CD151: variants seen among roughly 807,000 people sequenced by gnomAD.
The protein encoded by CD151 is CD151 molecule (Raph blood group).
Under a neutral mutation model 34.2 loss-of-function variants are expected in CD151, and 20 were observed. The ratio of observed to expected loss-of-function variants is 0.58; its 90% CI spans 0.41 to 0.85. The LOEUF (loss-of-function observed/expected upper bound fraction) is 0.85, where lower values mean the gene tolerates loss of function less well. Among genes scored for constraint, CD151 ranks in the 40% least tolerant of loss-of-function variants. CD151 has a pLI of 0.00. For synonymous variants in CD151, 157 were observed against 131.7 expected, an observed-to-expected ratio of 1.19 and a Z score of -1.32; for missense variants, 306 against 324.5, an observed-to-expected ratio of 0.94 and a Z score of 0.44.
chr11:833,448 C>T (rs1325788553), intron 1 of CD151, among the ~76,000 whole-genome samples: 3 of 152,190 alleles, frequency 2.0e-5, no homozygotes, highest in Non-Finnish European at 2.9e-5. Flanking sequence ...TTGGCCGCGC[C>T]GGGCGGGGTC....
At chr11:833,304 G>A (rs989969441) in intron 1 of CD151, among the ~76,000 whole-genome samples, 20 of 152,162 alleles carry the variant, frequency 1.3e-4, no homozygotes, top group African/African-American at 4.8e-4. Context: ...CCGGGCCCTT[G>A]GACCGGCCTG....
rs538311524 is a variant in CD151 at position 833,439 on chromosome 11, T to G, written c.-70+413T>G. On this transcript the variant is annotated intron_variant, in intron 1 of 8. Coordinates refer to ENST00000397420, the MANE Select transcript of CD151 (RefSeq NM_004357.5). ...GCCCGCGTGCAAGTGGGCGCGCCATTGGCCGCGCCGGGCGGGGTCGGCGGC... is the reference window on the plus strand; with the variant it reads ...GCCCGCGTGCAAGTGGGCGCGCCATGGGCCGCGCCGGGCGGGGTCGGCGGC... Among the ~76,000 whole-genome samples the G allele has an allele frequency of 5.2e-3, 797 of 152,228 alleles. 7 individuals are homozygous for G. Among genetic ancestry groups the G allele is most frequent in the Non-Finnish European group, 4.6e-3 (314 of 67,988 alleles).
Position 837,320 on chromosome 11 carries a change from C to T in CD151, c.422C>T (p.Ala141Val), listed in dbSNP as rs1208553957. The T allele has an allele frequency of 6.2e-7, 1 of 1,612,844 alleles. No homozygotes were observed. Among genetic ancestry groups the T allele is most frequent in the East Asian group, 2.2e-5 (1 of 44,886 alleles). Reference protein sequence around the residue: ...TKRYHQPGHEAVTSAVDQLQQ... With the variant: ...TKRYHQPGHEVVTSAVDQLQQ... ...CGCTACCACCAGCCGGGCCATGAGG[C>T]TGTGACCAGCGCTGTGGACCAGCTG... The change falls in exon 6 of 9, where the codon GCT becomes GTT. Residue 141 changes from alanine to valine, a missense_variant. By Grantham distance (64) the Ala-to-Val change is moderately conservative. Coordinates refer to ENST00000397420, the MANE Select transcript of CD151 (RefSeq NM_004357.5).
At chr11:837,832 C>A in intron 7 of CD151, 110 bp from the exon 8 acceptor site, 1 of 912,800 alleles carries the variant, frequency 1.1e-6, no homozygotes, top group Non-Finnish European at 1.7e-6. Context: ...GGTGGCCTGG[C>A]TGCCTAGGTG....
In CD151 at chr11:836,082, A is replaced by T; in HGVS notation, c.13A>T (p.Asn5Tyr). The change falls in exon 3 of 9, where the codon AAC (asparagine) becomes TAC (tyrosine). Residue 5 changes from asparagine to tyrosine, a missense_variant. By Grantham distance (143) the Asn-to-Tyr change is moderately radical (BLOSUM62 -2). Coordinates refer to ENST00000397420, the MANE Select transcript of CD151 (RefSeq NM_004357.5). MGEFNEKKTTCGTVC... is the reference protein window; with the variant it reads MGEFYEKKTTCGTVC... ...CCTCAGCCCCAGGATGGGTGAGTTC[A>T]ACGAGAAGAAGACAACATGTGGCAC... 1 of 1,612,158 alleles carries T rather than the reference A, an allele frequency of 6.2e-7. No individual in the cohort carries two copies. The highest frequency in any genetic ancestry group is 8.5e-7 in the Non-Finnish European group (1 of 1,179,200).
rs774385687 is a variant in CD151 at position 836,207 on chromosome 11, A to G, written c.85-44A>G. The G allele has an allele frequency of 4.1e-6, 5 of 1,234,044 alleles. 1 individual carries two copies. In the South Asian group the frequency reaches 4.9e-5, roughly 12 times the overall value. The allele number at this position is 1,234,044 out of a possible 1,614,324, so 76.4% of individuals were successfully genotyped here. A position where few individuals can be genotyped will look rare whatever the true frequency, so the allele number is the denominator to read the frequency against. On this transcript the variant is annotated intron_variant, in intron 3 of 8. Coordinates refer to ENST00000397420, the MANE Select transcript of CD151 (RefSeq NM_004357.5). Reference sequence around the variant, plus strand: ...CCACCCCCACCCCTCCCGGGCCACCATCAGACCTGGGCAGATGCGATGACC... The same window carrying G: ...CCACCCCCACCCCTCCCGGGCCACCGTCAGACCTGGGCAGATGCGATGACC...
intron 4 of CD151, 101 bp downstream of exon 4, chr11:836,543 G>T (rs918074521): frequency 6.4e-6 from 6 of 942,116 alleles, no homozygotes; most frequent in Admixed American, 4.8e-5. Context: ...CTCACCTGGG[G>T]GGGGGGTCAC....
At chr11:837,420 C>G in intron 6 of CD151, 40 bp from the exon 7 acceptor site, 1 of 1,611,702 alleles carries the variant, frequency 6.2e-7, no homozygotes, top group Admixed American at 1.7e-5. Context: ...GCAGGAGCCT[C>G]TGGCCCCAGG....
In CD151 at chr11:837,995, TGG is replaced by T; in HGVS notation, c.672_673del (p.Ala225CysfsTer55). The T allele has an allele frequency of 6.2e-7, 1 of 1,613,388 alleles. No homozygotes were observed. Among genetic ancestry groups the T allele is most frequent in the Non-Finnish European group, 8.5e-7 (1 of 1,179,880 alleles). On this transcript the variant is annotated frameshift_variant, in exon 8 of 9. Coordinates refer to ENST00000397420, the MANE Select transcript of CD151 (RefSeq NM_004357.5). LOFTEE classifies it high-confidence loss of function. ...TFIQEHLRVI[G>X]AVGIGIACVQ... is the part of the protein sequence containing the mutation. Reference sequence around the variant, plus strand: ...TCATCCAGGAGCACCTGAGGGTCATTGGGGCTGTGGGGATCGGCATTGCCTGT... The same window carrying T: ...TCATCCAGGAGCACCTGAGGGTCATTGGCTGTGGGGATCGGCATTGCCTGT...
intron 7 of CD151, 66 bp from the exon 8 acceptor site, chr11:837,876 G>C: frequency 4.6e-6 from 6 of 1,291,358 alleles, no homozygotes; most frequent in Non-Finnish European, 6.5e-6. Flanking sequence ...CTGGAGGCTG[G>C]AGGCAGTAGG....
chr11:836,310 C>T lies in CD151; in HGVS notation c.144C>T (p.Tyr48=), dbSNP rs1338697440. The change falls in exon 4 of 9, where the codon TAC becomes TAT. Residue 48 remains tyrosine, a synonymous_variant. Coordinates refer to ENST00000397420, the MANE Select transcript of CD151 (RefSeq NM_004357.5). ...GIWTLALKSD[Y]ISLLASGTYL... ...GGACGCTGGCCCTCAAGAGTGACTA[C>T]ATCAGCCTGCTGGCCTCAGGCACCT... 6.2e-7 allele frequency: 1 copy of T among 1,612,668 alleles called. No homozygotes were observed. Among genetic ancestry groups the T allele is most frequent in the African/African-American group, 1.3e-5 (1 of 74,944 alleles).
Position 838,366 on chromosome 11 carries a change from A to C in CD151, c.*174A>C. On this transcript the variant is annotated 3_prime_UTR_variant, in exon 9 of 9. Coordinates refer to ENST00000397420, the MANE Select transcript of CD151 (RefSeq NM_004357.5). ...GCTGCGCACCAATGCCCAGCAGGGGAGGTGAGGGGGGCTGGCGGGGCGAAG... is the reference window on the plus strand; with the variant it reads ...GCTGCGCACCAATGCCCAGCAGGGGCGGTGAGGGGGGCTGGCGGGGCGAAG... 3 of 220,780 alleles carry C rather than the reference A, an allele frequency of 1.4e-5. No individual in the cohort carries two copies. The highest frequency in any genetic ancestry group is 8.8e-6 in the Non-Finnish European group (1 of 114,012). The allele number at this position is 220,780 out of a possible 1,614,324, so 13.7% of individuals were successfully genotyped here.
chr11:836,481 G>A, intron 4 of CD151, 39 bp downstream of exon 4: 1 of 1,480,624 alleles, frequency 6.8e-7, no homozygotes, highest in Non-Finnish European at 9.2e-7. Context: ...GGGTGGTGCA[G>A]ATGGGCCCAA....
At chr11:836,667 C>A (rs1267062973) in intron 4 of CD151, 102 bp from the exon 5 acceptor site, 4 of 1,187,806 alleles carry the variant, frequency 3.4e-6, no homozygotes, top group African/African-American at 3.0e-5. Context: ...CCTCAGCCCC[C>A]ACCTGGAGCC....
At position 836,395 on chromosome 11, in the gene CD151, T is replaced by C; in HGVS notation, c.229T>C (p.Leu77=). ...AGTVVMVTGV[L]GCCATFKERR... is the part of the protein sequence containing the mutation. ...CACTGTCGTCATGGTGACTGGGGTC[T>C]TGGGCTGCTGCGCCACCTTCAAGGA... The change falls in exon 4 of 9, where the codon TTG becomes CTG. Residue 77 remains leucine (L), a synonymous_variant. Transcript: ENST00000397420. The C allele has an allele frequency of 6.2e-7, 1 of 1,612,132 alleles. No homozygotes were observed. Among genetic ancestry groups the C allele is most frequent in the South Asian group, 1.1e-5 (1 of 91,078 alleles).
chr11:837,867 T>C, intron 7 of CD151, 75 bp from the exon 8 acceptor site: 1 of 1,221,312 alleles, frequency 8.2e-7, no homozygotes, highest in South Asian at 1.4e-5. Flanking sequence ...GGCCACACCC[T>C]GGAGGCTGGA....
Position 836,075 on chromosome 11 carries a change from T to C in CD151, c.6T>C (p.Gly2=), listed in dbSNP as rs1362838431. The C allele has an allele frequency of 1.2e-6, 2 of 1,610,226 alleles. No homozygotes were observed. The highest frequency in any genetic ancestry group is 2.2e-5 in the East Asian group (1 of 44,880). The part of the protein sequence containing the change: M[G]EFNEKKTTCG... ...CCTGCCTCCTCAGCCCCAGGATGGG[T>C]GAGTTCAACGAGAAGAAGACAACAT... is the stretch of plus-strand genomic sequence containing the variant. Residue 2 remains glycine, a synonymous_variant, in exon 3 of 9, where the codon GGT becomes GGC. Transcript: ENST00000397420.
At position 838,702 on chromosome 11, in the gene CD151, GTCACTGT is replaced by G; in HGVS notation, c.*511_*517del. The G allele has an allele frequency of 4.9e-6, 1 of 202,184 alleles. No individual in the cohort carries two copies. Among genetic ancestry groups the G allele is most frequent in the Non-Finnish European group, 1.0e-5 (1 of 97,908 alleles). The allele number at this position is 202,184 out of a possible 1,614,324, so 12.5% of individuals were successfully genotyped here. On this transcript the variant is annotated 3_prime_UTR_variant, in exon 9 of 9. Transcript: ENST00000397420. ...TCACCACCACCCGAAATGCCACGTGGTCACTGTGCACTGCCCTGTTCATGTGCCTCTG... is the reference window on the plus strand; with the variant it reads ...TCACCACCACCCGAAATGCCACGTGGGCACTGCCCTGTTCATGTGCCTCTG...
In CD151 at chr11:837,485, C is replaced by CA. The variant is rs755738293; in HGVS notation, c.483dup (p.Gln162ThrfsTer7). The CA allele has an allele frequency of 5.0e-6, 8 of 1,612,856 alleles. No homozygotes were observed. On this transcript the variant is annotated frameshift_variant, in exon 7 of 9. Transcript: ENST00000397420. LOFTEE classifies it high-confidence loss of function. The stretch of plus-strand genomic sequence containing the variant: ...TTCCACTGCTGTGGCAGCAACAACT[C>CA]ACAGGACTGGCGAGACAGTGAGTGG...
Sources: allele counts gnomAD v4.1 joint callset (sites outside exome capture counted in the v4.1 genomes callset), GRCh38; gene constraint gnomAD v4.1.1; transcripts MANE v1.5; gene names NCBI Gene and HGNC (gene_info 2026-07-23, HGNC 2026-07-21).